ASAP3: variants seen among roughly 807,000 people sequenced by gnomAD.
ASAP3 encodes the protein ArfGAP with SH3 domain, ankyrin repeat and PH domain 3, also known as arf-GAP with SH3 domain, ANK repeat and PH domain-containing protein 3.
Under a neutral mutation model 118.2 loss-of-function variants are expected in ASAP3, and 85 were observed. That is an observed-to-expected ratio of 0.72 (90% confidence interval 0.60 to 0.86). The LOEUF is 0.86. Among genes scored for constraint, ASAP3 ranks in the 40% least tolerant of loss-of-function variants. The pLI is 0.00. For missense variants in ASAP3, 1,026 were observed against 1,175.0 expected (o/e 0.87, Z 1.85); for synonymous variants, 432 against 477.4 (o/e 0.90, Z 1.24).
chr1:23,474,774 G>C (rs1272859802), intron 1 of ASAP3, among the ~76,000 whole-genome samples: 10 of 152,122 alleles, frequency 6.6e-5, no homozygotes, highest in Admixed American at 5.9e-4. Flanking sequence ...AGTGAGACGG[G>C]GTTTCGCCAT....
At chr1:23,455,805 G>A (rs1570375147) in intron 3 of ASAP3, 76 bp downstream of exon 3, 24 of 1,573,004 alleles carry the variant, frequency 1.5e-5, no homozygotes, top group African/African-American at 2.7e-5. Flanking sequence ...GGAAGGAAAC[G>A]GACCCTTTCC....
Position 23,434,482 on chromosome 1 carries a change from GA to G in ASAP3, c.1835+50del, listed in dbSNP as rs1640561829. 4 of 1,604,794 alleles carry G rather than the reference GA, an allele frequency of 2.5e-6. No individual in the cohort carries two copies. In the South Asian group the frequency reaches 4.4e-5, roughly 18 times the overall value. On this transcript the variant is annotated intron_variant, in intron 18 of 24. Transcript: ENST00000336689. ...GGGAAGAGAATGGGAGAAGAGGAAG[GA>G]AAGGAGAGGGAGTGTGAGGAGCCAG...
chr1:23,455,971 G>A lies in ASAP3; in HGVS notation c.258C>T (p.Ser86=), dbSNP rs372043920. 2 of 1,614,022 alleles carry A rather than the reference G, an allele frequency of 1.2e-6. No individual in the cohort carries two copies. The highest frequency in any genetic ancestry group is 1.7e-6 in the Non-Finnish European group (2 of 1,180,040). Residue 86 remains serine, a synonymous_variant, in exon 3 of 25, where the codon AGC becomes AGT. Transcript: ENST00000336689. Reference sequence around the variant, plus strand: ...GCTCATGGCTGTTCTGGGACAGGTGGCTGTTGCCTAAGGATTCCACGGCCT... The same window carrying A: ...GCTCATGGCTGTTCTGGGACAGGTGACTGTTGCCTAAGGATTCCACGGCCT... The part of the protein sequence containing the change: ...YREAVESLGN[S]HLSQNSHELS...
chr1:23,437,164 A>C lies in ASAP3; in HGVS notation c.1308T>G (p.Pro436=), dbSNP rs764535579. The C allele has an allele frequency of 3.7e-6, 6 of 1,608,380 alleles. No homozygotes were observed. In the East Asian group the frequency reaches 1.3e-4, roughly 36 times the overall value. Residue 436 remains proline (P), a synonymous_variant, in exon 14 of 25, where the codon CCT becomes CCG. Transcript: ENST00000336689. The surrounding 1 kb of genome is among the most constrained non-coding windows in gnomAD (Gnocchi z 6.1). ...CGCAGTCGCAGCACTGGCTATTCCC[A>C]GGCCTGCTCTTCACCTCCGCGATGA... ...KLLIAEVKSR[P]GNSQCCDCGA... is the part of the protein sequence containing the mutation.
chr1:23,456,182 C>A lies in ASAP3; in HGVS notation c.142G>T (p.Asp48Tyr). The A allele has an allele frequency of 1.2e-6, 2 of 1,614,052 alleles. No homozygotes were observed. Among genetic ancestry groups the A allele is most frequent in the South Asian group, 2.2e-5 (2 of 91,058 alleles). ...TTTATTCTCTGCAGGATGGCTTGGTCTCCTTCCAAGATCTGGAAGCAAATG... is the reference window on the plus strand; with the variant it reads ...TTTATTCTCTGCAGGATGGCTTGGTATCCTTCCAAGATCTGGAAGCAAATG... ...ALAREEILEGDQAILQRIKKA... is the reference protein window; with the variant it reads ...ALAREEILEGYQAILQRIKKA... Residue 48 changes from aspartate (D) to tyrosine (Y), a missense_variant, in exon 2 of 25, where the codon GAC (aspartate) becomes TAC (tyrosine). Asp to Tyr is a radical substitution (Grantham distance 160). Coordinates refer to ENST00000336689, the MANE Select transcript of ASAP3 (RefSeq NM_017707.4).
chr1:23,439,297 C>A (rs1640784324), intron 10 of ASAP3, 67 bp from the exon 11 acceptor site: 1 of 1,487,436 alleles, frequency 6.7e-7, no homozygotes. Flanking sequence ...TGTCAGAGAA[C>A]AGAAATTTGC....
intron 3 of ASAP3, among the ~76,000 whole-genome samples, chr1:23,454,676 A>T (rs1256028184): frequency 6.6e-6 from 1 of 152,254 alleles, no homozygotes; most frequent in Non-Finnish European, 1.5e-5. Context: ...AGCTATGCCA[A>T]GAGCTATAAC....
At chr1:23,463,115 T>C (rs1176116420) in intron 1 of ASAP3, among the ~76,000 whole-genome samples, 2 of 152,168 alleles carry the variant, frequency 1.3e-5, no homozygotes, top group African/African-American at 4.8e-5. Context: ...CATTCATTCA[T>C]TTCAACAAGC....
intron 4 of ASAP3, 61 bp downstream of exon 4, chr1:23,452,636 C>T: frequency 1.3e-6 from 2 of 1,552,460 alleles, no homozygotes; most frequent in Non-Finnish European, 1.8e-6. Flanking sequence ...TGCCCCCCAA[C>T]AGTCTCCTGC....
At chr1:23,454,110 C>T (rs569485827) in intron 3 of ASAP3, among the ~76,000 whole-genome samples, 1 of 152,216 alleles carries the variant, frequency 6.6e-6, no homozygotes, top group Non-Finnish European at 1.5e-5. Flanking sequence ...CCTCAACTTC[C>T]CCCAGGCTAA....
chr1:23,431,248 C>A, intron 23 of ASAP3, 123 bp from the exon 24 acceptor site: 2 of 977,102 alleles, frequency 2.0e-6, no homozygotes, highest in South Asian at 2.9e-5. Flanking sequence ...TCCACAAGGC[C>A]CCCAGGCCAG....
chr1:23,461,998 C>T (rs1362167622), intron 1 of ASAP3, among the ~76,000 whole-genome samples: 1 of 152,032 alleles, frequency 6.6e-6, no homozygotes, highest in Non-Finnish European at 1.5e-5. Flanking sequence ...AGACAAGTCA[C>T]CCGAATCACT....
intron 5 of ASAP3, among the ~76,000 whole-genome samples, chr1:23,443,778 C>T (rs1025312380): frequency 1.3e-5 from 2 of 150,840 alleles, no homozygotes; most frequent in African/African-American, 4.9e-5. Flanking sequence ...CTCACTGCAA[C>T]GGCATGATCT....
chr1:23,452,104 C>G (rs566473360), intron 4 of ASAP3, among the ~76,000 whole-genome samples: 1 of 152,194 alleles, frequency 6.6e-6, no homozygotes, highest in Non-Finnish European at 1.5e-5. Context: ...TGAACAACCC[C>G]GAGACTCCCA....
intron 1 of ASAP3, among the ~76,000 whole-genome samples, chr1:23,478,379 C>T (rs1026236866): frequency 4.0e-5 from 6 of 151,640 alleles, no homozygotes; most frequent in Non-Finnish European, 7.4e-5. Flanking sequence ...GCAGGAGAAT[C>T]GCTTGAACCT....
intron 5 of ASAP3, among the ~76,000 whole-genome samples, chr1:23,449,086 T>C (rs1353104602): frequency 1.3e-5 from 2 of 152,136 alleles, no homozygotes; most frequent in Non-Finnish European, 2.9e-5. Flanking sequence ...ATTTTACAGA[T>C]GATGAAGCTG....
chr1:23,433,012 G>GC, intron 22 of ASAP3, 65 bp downstream of exon 22: 1 of 1,584,118 alleles, frequency 6.3e-7, no homozygotes, highest in Non-Finnish European at 8.6e-7. Flanking sequence ...TCAGCTCAGT[G>GC]CCCCAGCATA....
intron 1 of ASAP3, among the ~76,000 whole-genome samples, chr1:23,481,875 T>C (rs976417126): frequency 6.6e-6 from 1 of 152,178 alleles, no homozygotes; most frequent in African/African-American, 2.4e-5. Flanking sequence ...ATGAAATCCC[T>C]AAGAATGTGG....
chr1:23,429,631 G>A lies in ASAP3; in HGVS notation c.*225C>T, dbSNP rs560928763. 20 of 455,752 alleles carry A rather than the reference G, an allele frequency of 4.4e-5. No individual in the cohort carries two copies. Among genetic ancestry groups the A allele is most frequent in the East Asian group, 2.7e-4 (7 of 25,836 alleles). 28.2% of individuals were successfully genotyped at this position (455,752 alleles called of 1,614,324 possible). On this transcript the variant is annotated 3_prime_UTR_variant, in exon 25 of 25. Transcript: ENST00000336689. ...GCCACAGGGCTCCCAGGCCCCTAGCGGGTAATGAGATAGGAAAGAACCGCC... is the reference window on the plus strand; with the variant it reads ...GCCACAGGGCTCCCAGGCCCCTAGCAGGTAATGAGATAGGAAAGAACCGCC...
Sources: gnomAD v4.1 joint callset for allele counts (sites outside exome capture counted in the v4.1 genomes callset) on GRCh38, gnomAD v4.1.1 for gene constraint, Gnocchi (gnomAD v3.1) non-coding constraint, MANE v1.5 for transcripts, NCBI Gene and HGNC (gene_info 2026-07-23, HGNC 2026-07-21) for gene names.